Variants in TMEM67 observed in about 807,000 individuals in gnomAD.
TMEM67 encodes transmembrane protein 67.
TMEM67 carries 124 observed loss-of-function variants against 136.6 expected under a neutral mutation model. The ratio of observed to expected loss-of-function variants is 0.91; its 90% confidence interval spans 0.78 to 1.05. The LOEUF (loss-of-function observed/expected upper bound fraction) is 1.05, where lower values mean the gene tolerates loss of function less well. TMEM67 is among the 50% of genes least tolerant of loss of function. The pLI is 0.00. For missense variants in TMEM67, 1,107 were observed against 1,178.4 expected, an observed-to-expected ratio of 0.94 and a Z score of 0.89; for synonymous variants, 364 against 390.5, an observed-to-expected ratio of 0.93 and a Z score of 0.80.
At position 93,808,954 on chromosome 8, in the gene TMEM67, AG is replaced by A. The variant is rs1563481397; in HGVS notation, c.2556+1del. The A allele has an allele frequency of 6.3e-7, 1 of 1,585,484 alleles. No homozygotes were observed. On this transcript the variant is annotated frameshift_variant and splice_region_variant, in exon 24 of 28. Coordinates refer to ENST00000453321, the MANE Select transcript of TMEM67 (RefSeq NM_153704.6). LOFTEE classifies it high-confidence loss of function. ...HYDRIHETLI[R>X]KNGPARLLSS... ...TGACAGAATTCATGAGACACTAATAAGGGTTTGTATAAAGTACAGTTCAGAT... is the reference window on the plus strand; with the variant it reads ...TGACAGAATTCATGAGACACTAATAAGGTTTGTATAAAGTACAGTTCAGAT...
At position 93,758,503 on chromosome 8, in the gene TMEM67, C is replaced by G. The variant is rs768929156; in HGVS notation, c.333C>G (p.Gly111=). 4 of 1,613,634 alleles carry G rather than the reference C, an allele frequency of 2.5e-6. No individual in the cohort carries two copies. Among genetic ancestry groups the G allele is most frequent in the Non-Finnish European group, 3.4e-6 (4 of 1,179,752 alleles). The change falls in exon 3 of 28, where the codon GGC becomes GGG. Residue 111 remains glycine (G), a synonymous_variant. Coordinates refer to ENST00000453321, the MANE Select transcript of TMEM67 (RefSeq NM_153704.6). ...PENMKGVTED[G]WNCISCPSDL... is the part of the protein sequence containing the mutation. ...TTTAGAAAGGTGTTACAGAAGATGG[C>G]TGGAACTGCATTTCTTGCCCTAGTG...
chr8:93,809,162 G>T lies in TMEM67; in HGVS notation c.2661+1G>T. ...ATTTCTTGGCTCCTTCATTGACCATGTATGTATGTCAACATTTATATTTAA... is the reference window on the plus strand; with the variant it reads ...ATTTCTTGGCTCCTTCATTGACCATTTATGTATGTCAACATTTATATTTAA... On this transcript the variant is annotated splice_donor_variant, in intron 25 of 27. Transcript: ENST00000453321. LOFTEE classifies it high-confidence loss of function. The T allele has an allele frequency of 6.8e-7, 1 of 1,478,212 alleles. No homozygotes were observed. The allele number at this position is 1,478,212 out of a possible 1,614,324, so 91.6% of individuals were successfully genotyped here.
At chr8:93,824,683 C>T in the TMEM67 span, among the ~76,000 whole-genome samples, 3 of 152,014 alleles carry the variant, frequency 2.0e-5, no homozygotes, top group African/African-American at 7.3e-5. Context: ...CATAAGCAAA[C>T]TCTCCCACCT....
Position 93,808,892 on chromosome 8 carries a change from T to C in TMEM67, c.2492T>C (p.Phe831Ser). ...GLVPNTDGQT[F>S]EIAISNQMRQ... ...GTACCCAACACAGATGGTCAGACTT[T>C]TGAGATTGCAATTTCTAACCAGATG... Residue 831 changes from phenylalanine to serine, a missense_variant, in exon 24 of 28, where the codon TTT becomes TCT. Phe to Ser is a radical substitution (Grantham distance 155). Around this residue, in one of 3 missense-constraint regions of TMEM67, gnomAD observed 925 missense variants for 1,002.4 expected, o/e 0.92. Transcript: ENST00000453321. The C allele has an allele frequency of 1.9e-6, 3 of 1,613,250 alleles. No individual in the cohort carries two copies. Among genetic ancestry groups the C allele is most frequent in the Non-Finnish European group, 2.5e-6 (3 of 1,179,432 alleles).
intron 7 of TMEM67, among the ~76,000 whole-genome samples, chr8:93,778,489 G>A (rs1157012215): frequency 6.6e-6 from 1 of 152,124 alleles, no homozygotes; most frequent in Non-Finnish European, 1.5e-5. Flanking sequence ...GCAGTGGCTG[G>A]TACTGGTTGT....
chr8:93,787,462 T>G (rs1814164729), intron 13 of TMEM67, among the ~76,000 whole-genome samples: 1 of 152,218 alleles, frequency 6.6e-6, no homozygotes, highest in Non-Finnish European at 1.5e-5. Flanking sequence ...ATCAAGATCT[T>G]ATCTGCCTTT....
At chr8:93,759,710 G>A (rs546620227) in intron 3 of TMEM67, 295 of 231,840 alleles carry the variant, frequency 1.3e-3, no homozygotes, top group Non-Finnish European at 2.1e-3. Flanking sequence ...GAGTGCAATG[G>A]TGTGATCTTG....
chr8:93,813,260 C>T (rs1191453290), intron 26 of TMEM67, among the ~76,000 whole-genome samples: 1 of 151,958 alleles, frequency 6.6e-6, no homozygotes, highest in Non-Finnish European at 1.5e-5. Flanking sequence ...CTCACTGCAA[C>T]CTCCGCCTCC....
Sources: gnomAD v4.1 joint callset for allele counts (sites outside exome capture counted in the v4.1 genomes callset) on GRCh38, gnomAD v4.1.1 for gene constraint, gnomAD v4.1.1 regional missense constraint, MANE v1.5 for transcripts, NCBI Gene and HGNC (gene_info 2026-07-23, HGNC 2026-07-21) for gene names.